WDR72: variants seen among roughly 807,000 people sequenced by gnomAD.
WDR72 encodes the protein WD repeat domain 72.
A neutral mutation model predicts 124.2 loss-of-function variants in WDR72; 120 were observed. The observed-to-expected ratio is 0.97, with a 90% confidence interval of 0.83 to 1.12. The LOEUF is 1.12. WDR72 is among the 50% of genes most tolerant of loss of function. WDR72 has a pLI of 0.00. For missense variants in WDR72, 1,387 were observed against 1,278.8 expected, an observed-to-expected ratio of 1.08 and a Z score of -1.29; for synonymous variants, 452 against 441.7, an observed-to-expected ratio of 1.02 and a Z score of -0.29.
At chr15:53,639,368 T>A (rs2014745873) in intron 14 of WDR72, among the ~76,000 whole-genome samples, 1 of 151,796 alleles carries the variant, frequency 6.6e-6, no homozygotes, top group African/African-American at 2.4e-5. Context: ...CGGTTGCTCA[T>A]GCCTGTAATT....
At chr15:53,640,228 T>C in intron 14 of WDR72, among the ~76,000 whole-genome samples, 1 of 152,098 alleles carries the variant, frequency 6.6e-6, no homozygotes, top group East Asian at 1.9e-4. Flanking sequence ...AAAATAAATG[T>C]CTTACAACAC....
At chr15:53,549,778 G>A (rs1416066661) in intron 18 of WDR72, among the ~76,000 whole-genome samples, 2 of 152,128 alleles carry the variant, frequency 1.3e-5, no homozygotes, top group Non-Finnish European at 1.5e-5. Context: ...GGCTAACTTA[G>A]GCTTTGGTTT....
chr15:53,711,673 A>T lies in WDR72; in HGVS notation c.712-192T>A, dbSNP rs115079432. Among the ~76,000 whole-genome samples the T allele has an allele frequency of 6.2e-3, 946 of 152,262 alleles. 10 individuals carry two copies. Among genetic ancestry groups the T allele is most frequent in the African/African-American group, 0.022 (904 of 41,546 alleles). ...TTTATCTTAGGGTAGGTTTCAGGGGATACAGTTCATCTGGTTATATCATTC... is the reference window on the plus strand; with the variant it reads ...TTTATCTTAGGGTAGGTTTCAGGGGTTACAGTTCATCTGGTTATATCATTC... On this transcript the variant is annotated intron_variant, in intron 7 of 19. Transcript: ENST00000360509.
intron 18 of WDR72, among the ~76,000 whole-genome samples, chr15:53,587,242 C>G (rs2012259387): frequency 6.6e-6 from 1 of 151,950 alleles, no homozygotes; most frequent in African/African-American, 2.4e-5. Flanking sequence ...TTACATATAA[C>G]TATGGAGGAA....
At chr15:53,609,947 TTG>T (rs1215627128) in intron 16 of WDR72, among the ~76,000 whole-genome samples, 1 of 152,074 alleles carries the variant, frequency 6.6e-6, no homozygotes, top group East Asian at 1.9e-4. Flanking sequence ...CAACACATTT[TTG>T]TTCTTTTTGC....
chr15:53,742,259 C>T (rs997225508), intron 1 of WDR72, among the ~76,000 whole-genome samples: 19 of 152,176 alleles, frequency 1.2e-4, no homozygotes, highest in Admixed American at 7.9e-4. Context: ...CTAATAATTC[C>T]CTAGGAATCT....
chr15:53,529,082 T>G (rs1892284292), intron 18 of WDR72, among the ~76,000 whole-genome samples: 1 of 149,106 alleles, frequency 6.7e-6, no homozygotes, highest in South Asian at 2.1e-4. Flanking sequence ...GAAGTCTGCA[T>G]AAAGAAGGAA....
intron 18 of WDR72, among the ~76,000 whole-genome samples, chr15:53,571,112 T>G (rs1894510081): frequency 6.6e-6 from 1 of 151,704 alleles, no homozygotes; most frequent in Non-Finnish European, 1.5e-5. Context: ...GACACAAAAA[T>G]GGAAACAATA....
At chr15:53,601,770 G>T (rs555919876) in intron 17 of WDR72, among the ~76,000 whole-genome samples, 1 of 152,180 alleles carries the variant, frequency 6.6e-6, no homozygotes, top group East Asian at 1.9e-4. Context: ...AGGGTAAAGG[G>T]TTCAATTCAA....
intron 1 of WDR72, among the ~76,000 whole-genome samples, chr15:53,751,279 A>G (rs2018767835): frequency 6.6e-6 from 1 of 152,052 alleles, no homozygotes; most frequent in Non-Finnish European, 1.5e-5. Flanking sequence ...GAGTCAATCA[A>G]TGCAGCAAAC....
intron 14 of WDR72, among the ~76,000 whole-genome samples, chr15:53,662,923 G>C (rs35008317): frequency 0.042 from 6,360 of 151,666 alleles, 163 homozygotes; most frequent in Non-Finnish European, 0.052. Context: ...TTTAAATTTA[G>C]CCAGGTATGG....
intron 18 of WDR72, among the ~76,000 whole-genome samples, chr15:53,553,086 C>T (rs961915572): frequency 1.3e-5 from 2 of 152,082 alleles, no homozygotes; most frequent in Non-Finnish European, 2.9e-5. Flanking sequence ...GTCCTTCCCA[C>T]AGCAATGATT....
chr15:53,589,589 T>C (rs879679555), intron 18 of WDR72, among the ~76,000 whole-genome samples: 4 of 149,814 alleles, frequency 2.7e-5, no homozygotes, highest in African/African-American at 4.8e-5. Flanking sequence ...GCAAAACACA[T>C]TGACTTCAGT....
At chr15:53,604,384 G>A (rs535684857) in intron 17 of WDR72, among the ~76,000 whole-genome samples, 1 of 152,252 alleles carries the variant, frequency 6.6e-6, no homozygotes, top group Admixed American at 6.5e-5. Flanking sequence ...AACCCTGGAA[G>A]ATAACCTAAG....
At chr15:53,571,433 C>T (rs1235116343) in intron 18 of WDR72, among the ~76,000 whole-genome samples, 6 of 151,936 alleles carry the variant, frequency 3.9e-5, no homozygotes, top group Admixed American at 3.3e-4. Context: ...GTGAGTTCAA[C>T]TTTTTAAAAT....
At chr15:53,718,662 A>T (rs2140566475) in intron 3 of WDR72, among the ~76,000 whole-genome samples, 1 of 152,164 alleles carries the variant, frequency 6.6e-6, no homozygotes, top group South Asian at 2.1e-4. Flanking sequence ...TAAAAAACAT[A>T]ATCTTTTCAT....
chr15:53,514,065 C>A lies in WDR72; in HGVS notation c.*3634G>T, dbSNP rs935798398. The stretch of plus-strand genomic sequence containing the variant: ...GGGGACTATTGTACATGAAGCCATG[C>A]AGCTTTGTCTGAAAGATACCTACTC... On this transcript the variant is annotated 3_prime_UTR_variant, in exon 20 of 20. Coordinates refer to ENST00000360509, the MANE Select transcript of WDR72 (RefSeq NM_182758.4). 6.6e-5 allele frequency: 10 copies of A among 152,196 alleles called. No homozygotes were observed. Among genetic ancestry groups the A allele is most frequent in the African/African-American group, 1.9e-4 (8 of 41,464 alleles). The allele number at this position is 152,196 out of a possible 1,614,324, so 9.4% of individuals were successfully genotyped here.
Position 53,705,236 on chromosome 15 carries a change from A to T in WDR72, c.1103-3T>A. 1 of 1,612,420 alleles carries T rather than the reference A, an allele frequency of 6.2e-7. No homozygotes were observed. Among genetic ancestry groups the T allele is most frequent in the Non-Finnish European group, 8.5e-7 (1 of 1,179,966 alleles). On this transcript the variant is annotated splice_polypyrimidine_tract_variant and splice_region_variant and intron_variant, in intron 10 of 19. Coordinates refer to ENST00000360509, the MANE Select transcript of WDR72 (RefSeq NM_182758.4). ...CCAGGTGGCAGTTACTGGTATCTCT[A>T]AAAAGAAAACAGACATAAAAAGAAA...
intron 13 of WDR72, among the ~76,000 whole-genome samples, chr15:53,695,616 T>C (rs1337138617): frequency 3.3e-5 from 5 of 152,158 alleles, no homozygotes; most frequent in Admixed American, 2.6e-4. Context: ...CAGCGCCACA[T>C]TTTTAGCCAG....
Sources: gnomAD v4.1 joint callset for allele counts (sites outside exome capture counted in the v4.1 genomes callset) on GRCh38, gnomAD v4.1.1 for gene constraint, MANE v1.5 for transcripts, NCBI Gene and HGNC (gene_info 2026-07-23, HGNC 2026-07-21) for gene names.